The following CDH4 variants were observed in gnomAD, a reference collection of about 807,000 sequenced individuals.
The protein encoded by CDH4 is cadherin-4.
CDH4 carries 33 observed loss-of-function variants against 86.0 expected under a neutral mutation model. That is an observed-to-expected ratio of 0.38 (90% CI 0.29 to 0.51). CDH4 has a LOEUF of 0.51. Ranked by LOEUF, CDH4 falls within the 20% of genes least tolerant of loss-of-function variation. CDH4 has a pLI of 0.86. For synonymous variants in CDH4, 555 were observed against 549.4 expected, an observed-to-expected ratio of 1.01 and a Z score of -0.14; for missense variants, 1,114 against 1,307.4, an observed-to-expected ratio of 0.85 and a Z score of 2.28.
At chr20:61,806,574 C>T (rs557460607) in intron 4 of CDH4, among the ~76,000 whole-genome samples, 10 of 111,930 alleles carry the variant, frequency 8.9e-5, no homozygotes, top group Middle Eastern at 4.2e-3. Context: ...TCCACGCGCA[C>T]GCACACACAC....
intron 2 of CDH4, among the ~76,000 whole-genome samples, chr20:61,549,333 A>T (rs567846156): frequency 4.6e-5 from 7 of 152,262 alleles, no homozygotes; most frequent in African/African-American, 1.7e-4. Flanking sequence ...CACCCCTCTC[A>T]TCATCCCAAA....
intron 6 of CDH4, among the ~76,000 whole-genome samples, chr20:61,856,964 C>A (rs544584848): frequency 3.3e-5 from 5 of 152,016 alleles, no homozygotes; most frequent in African/African-American, 7.2e-5. Flanking sequence ...ACCCTCCTTT[C>A]TCCTCCAAGA....
At chr20:61,477,389 G>A (rs77306385) in intron 2 of CDH4, among the ~76,000 whole-genome samples, 5,763 of 152,282 alleles carry the variant, frequency 0.038, 373 homozygotes, top group African/African-American at 0.13. Context: ...ACATAGCTGG[G>A]CCAAAGGCAG....
At chr20:61,314,331 G>GT (rs1341144739) in intron 2 of CDH4, among the ~76,000 whole-genome samples, 1 of 152,166 alleles carries the variant, frequency 6.6e-6, no homozygotes, top group Non-Finnish European at 1.5e-5. Context: ...TGAGTTTGAC[G>GT]TTTTTAGATT....
In CDH4 at chr20:61,787,144, ATCCATCTATCCC is replaced by A. The variant is rs1296422122; in HGVS notation, c.576+13969_576+13980del. On this transcript the variant is annotated intron_variant, in intron 4 of 15. Transcript: ENST00000614565. ...CATCCGTCTGTCCGTCCATCCATCC[ATCCATCTATCCC>A]TCCATCCATCCATTCATGCATTCAC... Among the ~76,000 whole-genome samples, 3 of 152,008 alleles carry A rather than the reference ATCCATCTATCCC, an allele frequency of 2.0e-5. No homozygotes were observed. The South Asian group carries it at 6.2e-4, about 32-fold the overall frequency.
At chr20:61,717,075 T>C (rs950070255) in intron 2 of CDH4, among the ~76,000 whole-genome samples, 2 of 152,152 alleles carry the variant, frequency 1.3e-5, no homozygotes, top group African/African-American at 2.4e-5. Context: ...CCATCCCTGC[T>C]CCTCAGCATG....
intron 2 of CDH4, among the ~76,000 whole-genome samples, chr20:61,725,445 C>T (rs1311777379): frequency 1.3e-5 from 2 of 152,200 alleles, no homozygotes; most frequent in Non-Finnish European, 2.9e-5. Flanking sequence ...GAGCAGGGAG[C>T]ACTGTTCCCA....
intron 6 of CDH4, among the ~76,000 whole-genome samples, chr20:61,865,433 GGTTTGT>G (rs2038453921): frequency 1.3e-5 from 2 of 152,026 alleles, no homozygotes; most frequent in Admixed American, 6.6e-5. Context: ...CTTCCTGGCT[GGTTTGT>G]GTATGTAATG....
In CDH4 at chr20:61,514,430, G is replaced by A. The variant is rs143031879; in HGVS notation, c.170-229133G>A. On this transcript the variant is annotated intron_variant, in intron 2 of 15. Transcript: ENST00000614565. ...GGATGTAGATCAAGATGTTATCTTG[G>A]GTTTCCATAGGGAACGAACATCTTG... 1.2e-3 allele frequency among the ~76,000 whole-genome samples: 174 copies of A among 150,056 alleles called. 1 individual carries two copies. The highest frequency in any genetic ancestry group is 4.1e-3 in the African/African-American group (168 of 40,734).
intron 6 of CDH4, among the ~76,000 whole-genome samples, chr20:61,854,931 GGTGC>G (rs1982931226): frequency 8.1e-6 from 1 of 123,984 alleles, no homozygotes; most frequent in Non-Finnish European, 1.9e-5. Context: ...CACCCCCAGG[GGTGC>G]AGTGTGAACA....
At chr20:61,839,164 T>C (rs972817979) in intron 4 of CDH4, among the ~76,000 whole-genome samples, 30 of 152,248 alleles carry the variant, frequency 2.0e-4, no homozygotes, top group Middle Eastern at 3.2e-3. Context: ...AGGAGATTTT[T>C]AAAGTGTCTT....
At chr20:61,731,736 G>A (rs189696759) in intron 2 of CDH4, among the ~76,000 whole-genome samples, 18 of 152,300 alleles carry the variant, frequency 1.2e-4, no homozygotes, top group Non-Finnish European at 1.6e-4. Context: ...GTTTGGAGAC[G>A]TGAGTGAGTG....
At position 61,393,544 on chromosome 20, in the gene CDH4, G is replaced by C. The variant is rs898852920; in HGVS notation, c.169+138607G>C. On this transcript the variant is annotated intron_variant, in intron 2 of 15. Transcript: ENST00000614565. This position sits in a 1 kb window ranked among gnomAD's most constrained non-coding sequence, Gnocchi z 4.3. ...CCAGAGTGGGGTCTTTATGGAGCAG[G>C]ATCCTCACGTAGCCCACATTCGCCA... is the stretch of plus-strand genomic sequence containing the variant. Among the ~76,000 whole-genome samples, 1 of 152,132 alleles carries C rather than the reference G, an allele frequency of 6.6e-6. No homozygotes were observed. Among genetic ancestry groups the C allele is most frequent in the Admixed American group, 6.5e-5 (1 of 15,276 alleles).
At chr20:61,353,835 C>T (rs1233492435) in intron 2 of CDH4, among the ~76,000 whole-genome samples, 2 of 147,764 alleles carry the variant, frequency 1.4e-5, no homozygotes, top group Non-Finnish European at 3.0e-5. Flanking sequence ...TAGAAACATC[C>T]GCAAATGAAA....
chr20:61,383,317 GTGATATATATGAATA>G (rs1190317945), intron 2 of CDH4, among the ~76,000 whole-genome samples: 1 of 552 alleles, frequency 1.8e-3, no homozygotes, highest in African/African-American at 9.3e-3. Flanking sequence ...ATGAATATAT[GTGATATATATGAATA>G]TATGTGATAT....
At chr20:61,362,138 A>C (rs978867040) in intron 2 of CDH4, among the ~76,000 whole-genome samples, 1 of 152,228 alleles carries the variant, frequency 6.6e-6, no homozygotes, top group Non-Finnish European at 1.5e-5. Context: ...CTGAGAAGCA[A>C]GAAAGAGCCA....
chr20:61,657,010 A>C (rs891919562), intron 2 of CDH4, among the ~76,000 whole-genome samples: 2 of 152,200 alleles, frequency 1.3e-5, no homozygotes, highest in Non-Finnish European at 2.9e-5. Flanking sequence ...CCCCAGAGGC[A>C]TGTGTCTTAG....
intron 4 of CDH4, among the ~76,000 whole-genome samples, chr20:61,826,962 A>C (rs1981347017): frequency 6.8e-6 from 1 of 145,998 alleles, no homozygotes; most frequent in Admixed American, 6.7e-5. Flanking sequence ...AGAAGGGAAA[A>C]GTGTGTGTGT....
At chr20:61,372,234 C>G (rs969726709) in intron 2 of CDH4, among the ~76,000 whole-genome samples, 3 of 152,226 alleles carry the variant, frequency 2.0e-5, no homozygotes, top group African/African-American at 7.2e-5. Context: ...TGTGGCTTGG[C>G]TCCTGTGGGG....
Sources: gnomAD v4.1 joint callset for allele counts (sites outside exome capture counted in the v4.1 genomes callset) on GRCh38, gnomAD v4.1.1 for gene constraint, Gnocchi (gnomAD v3.1) non-coding constraint, MANE v1.5 for transcripts, NCBI Gene and HGNC (gene_info 2026-07-23, HGNC 2026-07-21) for gene names.